Variants in ARHGAP8 observed in about 807,000 individuals in gnomAD.
ARHGAP8 encodes the protein Rho GTPase activating protein 8.
In ARHGAP8, 62 loss-of-function variants were observed where a neutral mutation model predicts 46.1. The ratio of observed to expected loss-of-function variants is 1.34; its 90% CI spans 1.10 to 1.66. The LOEUF (loss-of-function observed/expected upper bound fraction) is 1.66. ARHGAP8 is among the 40% of genes most tolerant of loss of function. The pLI, the probability that ARHGAP8 is intolerant of heterozygous loss-of-function variation, is 0.00. For missense variants in ARHGAP8, 923 were observed against 568.4 expected, an observed-to-expected ratio of 1.62 and a Z score of -6.34; for synonymous variants, 375 against 243.1, an observed-to-expected ratio of 1.54 and a Z score of -5.05.
intron 2 of ARHGAP8, among the ~76,000 whole-genome samples, chr22:44,792,152 C>T (rs972578339): frequency 6.6e-6 from 1 of 152,038 alleles, no homozygotes; most frequent in South Asian, 2.1e-4. Flanking sequence ...GCTGAGATTA[C>T]AGGCACCCAC....
At chr22:44,763,029 G>T (rs1178400102) in intron 1 of ARHGAP8, among the ~76,000 whole-genome samples, 4 of 152,114 alleles carry the variant, frequency 2.6e-5, no homozygotes, top group Admixed American at 6.5e-5. Context: ...ATCACCAATG[G>T]CCAGTGATTT....
At chr22:44,839,990 G>A (rs1156639058) in intron 7 of ARHGAP8, among the ~76,000 whole-genome samples, 2 of 152,194 alleles carry the variant, frequency 1.3e-5, no homozygotes, top group African/African-American at 4.8e-5. Context: ...GCCTCAGTGG[G>A]GACTGTTGGC....
chr22:44,861,836 A>G (rs1039102591), intron 11 of ARHGAP8, among the ~76,000 whole-genome samples: 1 of 152,100 alleles, frequency 6.6e-6, no homozygotes, highest in Non-Finnish European at 1.5e-5. Flanking sequence ...TCTAGCAGGC[A>G]AGCTCTTTCC....
intron 7 of ARHGAP8, among the ~76,000 whole-genome samples, chr22:44,836,452 A>C (rs10427672): frequency 6.6e-6 from 1 of 151,886 alleles, no homozygotes; most frequent in Admixed American, 6.6e-5. Flanking sequence ...GTGACTCCAG[A>C]CATAATAATT....
rs58018015 is a variant in ARHGAP8, at chr22:44,798,956, C to A, written c.80-3121C>A. ...TTTTAAAAATGTGAATGCTTTCGTC[C>A]TGGAAGGTGCAGGTGTGGGTCTTCC... On this transcript the variant is annotated intron_variant, in intron 2 of 11. Transcript: ENST00000356099. Among the ~76,000 whole-genome samples the A allele has an allele frequency of 1.3e-3, 196 of 152,252 alleles. 5 individuals are homozygous for A. In the South Asian group the frequency reaches 0.039, roughly 30 times the overall value.
chr22:44,763,214 A>G (rs538817186), intron 1 of ARHGAP8, among the ~76,000 whole-genome samples: 16 of 152,146 alleles, frequency 1.1e-4, no homozygotes, highest in South Asian at 8.3e-4. Flanking sequence ...GATAATTTTC[A>G]GGCTGGGTGT....
chr22:44,815,723 G>A (rs773801115), intron 5 of ARHGAP8, among the ~76,000 whole-genome samples: 1 of 152,144 alleles, frequency 6.6e-6, no homozygotes, highest in Non-Finnish European at 1.5e-5. Flanking sequence ...CCTCAGTATT[G>A]GGAAGCAAGA....
intron 9 of ARHGAP8, 28 bp downstream of exon 9, chr22:44,848,078 C>G: frequency 6.2e-7 from 1 of 1,602,572 alleles, no homozygotes. Flanking sequence ...TCCTGAGCCC[C>G]GAGCTGCCTG....
At position 44,803,072 on chromosome 22, in the gene ARHGAP8, T is replaced by C. The variant is rs559354595; in HGVS notation, c.167+908T>C. Reference sequence around the variant, plus strand: ...TACTGTATGTGAGACTTTGGATAGATAGTCACTGTATCAGGGCCCACCTGT... The same window carrying C: ...TACTGTATGTGAGACTTTGGATAGACAGTCACTGTATCAGGGCCCACCTGT... On this transcript the variant is annotated intron_variant, in intron 3 of 11. Coordinates refer to ENST00000356099, the MANE Select transcript of ARHGAP8 (RefSeq NM_181335.3). Among the ~76,000 whole-genome samples, 1,392 of 152,266 alleles carry C rather than the reference T, an allele frequency of 9.1e-3. 16 individuals are homozygous for C. Among genetic ancestry groups the C allele is most frequent in the African/African-American group, 0.03 (1,233 of 41,540 alleles).
At chr22:44,837,820 C>T (rs1279677692) in intron 7 of ARHGAP8, among the ~76,000 whole-genome samples, 1 of 152,108 alleles carries the variant, frequency 6.6e-6, no homozygotes, top group East Asian at 1.9e-4. Context: ...TGTGGGTGCT[C>T]CTCAAATGCA....
chr22:44,769,315 C>T (rs1037662194), intron 1 of ARHGAP8, among the ~76,000 whole-genome samples: 9 of 152,370 alleles, frequency 5.9e-5, no homozygotes, highest in African/African-American at 1.9e-4. Context: ...TTCCATTCCA[C>T]TGACCTGTAT....
intron 11 of ARHGAP8, among the ~76,000 whole-genome samples, 196 bp downstream of exon 11, chr22:44,860,030 G>A (rs931694018): frequency 1.3e-5 from 2 of 151,924 alleles, no homozygotes; most frequent in African/African-American, 4.8e-5. Context: ...CCTCCTGCCT[G>A]TCAGACAGGG....
intron 9 of ARHGAP8, 123 bp downstream of exon 9, chr22:44,848,173 C>T: frequency 7.2e-7 from 1 of 1,381,820 alleles, no homozygotes; most frequent in Non-Finnish European, 9.8e-7. Context: ...AGAAAACACT[C>T]AGGGTGGGGG....
intron 1 of ARHGAP8, among the ~76,000 whole-genome samples, chr22:44,752,927 T>G (rs993298439): frequency 6.6e-6 from 1 of 151,202 alleles, no homozygotes; most frequent in African/African-American, 2.4e-5. Flanking sequence ...CGCACCGCCT[T>G]CCCCGCCCTC....
At chr22:44,857,330 G>T (rs564141941) in intron 10 of ARHGAP8, among the ~76,000 whole-genome samples, 38 of 152,252 alleles carry the variant, frequency 2.5e-4, no homozygotes, top group Non-Finnish European at 4.7e-4. Flanking sequence ...CCAGCCAAGG[G>T]TACCTCATCC....
chr22:44,830,996 C>T (rs866669963), intron 7 of ARHGAP8, among the ~76,000 whole-genome samples: 18 of 152,106 alleles, frequency 1.2e-4, no homozygotes, highest in African/African-American at 3.6e-4. Context: ...TTCACTAGAT[C>T]GTTTGCCCAT....
chr22:44,846,497 C>T lies in ARHGAP8; in HGVS notation c.670+1155C>T, dbSNP rs530523484. 5.3e-5 allele frequency among the ~76,000 whole-genome samples: 8 copies of T among 152,306 alleles called. No individual in the cohort carries two copies. In the East Asian group the frequency reaches 1.5e-3, roughly 29 times the overall value. ...AGACCATCTCCCTCAAACCCCAGAC[C>T]CTGCGGCCCCAGCATTTCCCTCAGT... On this transcript the variant is annotated intron_variant, in intron 8 of 11. Coordinates refer to ENST00000356099, the MANE Select transcript of ARHGAP8 (RefSeq NM_181335.3).
At chr22:44,806,948 ACT>A (rs1294990944) in intron 3 of ARHGAP8, among the ~76,000 whole-genome samples, 2 of 127,556 alleles carry the variant, frequency 1.6e-5, no homozygotes, top group African/African-American at 6.8e-5. Context: ...TGGGTGACAG[ACT>A]CTGTCTCAAA....
chr22:44,842,454 CAAACAGTGTG>C (rs1402021629), intron 7 of ARHGAP8, among the ~76,000 whole-genome samples: 1 of 152,170 alleles, frequency 6.6e-6, no homozygotes, highest in African/African-American at 2.4e-5. Context: ...TTCACTGGAT[CAAACAGTGTG>C]ACTGTTTGTA....
Sources: allele counts gnomAD v4.1 joint callset (sites outside exome capture counted in the v4.1 genomes callset), GRCh38; gene constraint gnomAD v4.1.1; transcripts MANE v1.5; gene names NCBI Gene and HGNC (gene_info 2026-07-23, HGNC 2026-07-21).